The following HOXD12 variants were observed in gnomAD, a reference collection of about 807,000 sequenced individuals.
The protein encoded by HOXD12 is homeobox protein Hox-D12.
HOXD12 carries 21 observed loss-of-function variants against 20.2 expected under a neutral mutation model. The ratio of observed to expected loss-of-function variants is 1.04; its 90% CI spans 0.74 to 1.50. The LOEUF is 1.50. HOXD12 is among the 40% of genes most tolerant of loss of function. The pLI, the probability that HOXD12 is intolerant of heterozygous loss-of-function variation, is 0.00. For synonymous variants in HOXD12, 196 were observed against 168.8 expected, an observed-to-expected ratio of 1.16 and a Z score of -1.25; for missense variants, 472 against 365.5, an observed-to-expected ratio of 1.29 and a Z score of -2.38.
Position 176,102,037 on chromosome 2 carries a change from C to A in HOXD12, c.*1277C>A, listed in dbSNP as rs1276673968. Among the ~76,000 whole-genome samples the A allele has an allele frequency of 1.3e-5, 2 of 152,236 alleles. No individual in the cohort carries two copies. Among genetic ancestry groups the A allele is most frequent in the African/African-American group, 4.8e-5 (2 of 41,460 alleles). On this transcript the variant is annotated 3_prime_UTR_variant, in exon 2 of 2. Transcript: ENST00000406506. Reference sequence around the variant, plus strand: ...AAGGCCCTGGGCCCTGCCAGGCTTGCCTCATGGAGGCAGGGGTTCCCAAAT... The same window carrying A: ...AAGGCCCTGGGCCCTGCCAGGCTTGACTCATGGAGGCAGGGGTTCCCAAAT...
In HOXD12 at chr2:176,100,001, C is replaced by T; in HGVS notation, c.200C>T (p.Thr67Ile). Reference sequence around the variant, plus strand: ...GCCCCCGCGCAGCCTGCGGGCGCCACTGCCTTCGGCGGCTTCTCGCAGCCC... The same window carrying T: ...GCCCCCGCGCAGCCTGCGGGCGCCATTGCCTTCGGCGGCTTCTCGCAGCCC... ...SCAPAQPAGATAFGGFSQPYL... is the reference protein window; with the variant it reads ...SCAPAQPAGAIAFGGFSQPYL... Residue 67 changes from threonine (T) to isoleucine (I), a missense_variant, in exon 1 of 2, where the codon ACT becomes ATT. Thr to Ile is a moderately conservative substitution (Grantham distance 89, BLOSUM62 -1). Transcript: ENST00000406506. 6.4e-7 allele frequency: 1 copy of T among 1,561,188 alleles called. No homozygotes were observed.
At position 176,101,149 on chromosome 2, in the gene HOXD12, G is replaced by C. The variant is rs1169203542; in HGVS notation, c.*389G>C. ...TCTCCAGCCCCTTCAGCGTATAGCA[G>C]TCGCCTAGTTAGGGCTCAGAGTGGA... On this transcript the variant is annotated 3_prime_UTR_variant, in exon 2 of 2. Transcript: ENST00000406506. The C allele has an allele frequency of 3.7e-6, 1 of 270,720 alleles. No individual in the cohort carries two copies. The highest frequency in any genetic ancestry group is 9.1e-5 in the East Asian group (1 of 10,952). 16.8% of individuals were successfully genotyped at this position (270,720 alleles called of 1,614,324 possible).
chr2:176,100,061 C>A lies in HOXD12; in HGVS notation c.260C>A (p.Pro87His). Residue 87 changes from proline (P) to histidine (H), a missense_variant, in exon 1 of 2, where the codon CCC (proline) becomes CAC (histidine). Pro to His is a moderately conservative substitution (Grantham distance 77). Coordinates refer to ENST00000406506, the MANE Select transcript of HOXD12 (RefSeq NM_021193.4). ...LAGSGPLGLQ[P>H]PTAKDGPEEQ... The stretch of plus-strand genomic sequence containing the variant: ...GGCTCCGGGCCTCTCGGCCTGCAGC[C>A]CCCAACAGCCAAAGACGGACCCGAA... The A allele has an allele frequency of 6.3e-7, 1 of 1,590,166 alleles. No individual in the cohort carries two copies. The highest frequency in any genetic ancestry group is 8.6e-7 in the Non-Finnish European group (1 of 1,169,546).
rs1299782031 is a variant in HOXD12, at chr2:176,102,218, A to G, written c.*1458A>G. 1.3e-5 allele frequency among the ~76,000 whole-genome samples: 2 copies of G among 152,208 alleles called. No homozygotes were observed. The highest frequency in any genetic ancestry group is 1.9e-4 in the East Asian group (1 of 5,196). On this transcript the variant is annotated 3_prime_UTR_variant, in exon 2 of 2. Transcript: ENST00000406506. ...TTCGCAATTCCTAGCATGATGCACAACAACTCAAGGATTCAGGATTCCTTC... is the reference window on the plus strand; with the variant it reads ...TTCGCAATTCCTAGCATGATGCACAGCAACTCAAGGATTCAGGATTCCTTC...
rs140950338 is a variant in HOXD12 at position 176,102,047 on chromosome 2, G to T, written c.*1287G>T. On this transcript the variant is annotated 3_prime_UTR_variant, in exon 2 of 2. Coordinates refer to ENST00000406506, the MANE Select transcript of HOXD12 (RefSeq NM_021193.4). ...GCCCTGCCAGGCTTGCCTCATGGAG[G>T]CAGGGGTTCCCAAATGCCAGGTGGA... Among the ~76,000 whole-genome samples the T allele has an allele frequency of 6.6e-6, 1 of 152,230 alleles. No homozygotes were observed. The highest frequency in any genetic ancestry group is 1.5e-5 in the Non-Finnish European group (1 of 68,044).
rs1488217007 is a variant in HOXD12 at position 176,101,883 on chromosome 2, T to TA, written c.*1124dup. 1.3e-5 allele frequency among the ~76,000 whole-genome samples: 2 copies of TA among 152,248 alleles called. No homozygotes were observed. Among genetic ancestry groups the TA allele is most frequent in the Non-Finnish European group, 2.9e-5 (2 of 68,040 alleles). ...AAGTCTCTTAGATTCTCTGCCCCGC[T>TA]AGCTGCTCTTGACAAAGCAAAGAGG... is the stretch of plus-strand genomic sequence containing the variant. On this transcript the variant is annotated 3_prime_UTR_variant, in exon 2 of 2. Coordinates refer to ENST00000406506, the MANE Select transcript of HOXD12 (RefSeq NM_021193.4).
chr2:176,100,400 G>A lies in HOXD12; in HGVS notation c.574+25G>A, dbSNP rs772196857. 11 of 1,610,220 alleles carry A rather than the reference G, an allele frequency of 6.8e-6. No homozygotes were observed. In the African/African-American group the frequency reaches 1.5e-4, roughly 21 times the overall value. ...GGTAAACGGTGCCCATGCTCCCCGG[G>A]CCGGTTTGGGCCGGGATGGGAGGTG... is the stretch of plus-strand genomic sequence containing the variant. On this transcript the variant is annotated intron_variant, in intron 1 of 1. Coordinates refer to ENST00000406506, the MANE Select transcript of HOXD12 (RefSeq NM_021193.4).
Position 176,100,352 on chromosome 2 carries a change from G to C in HOXD12, c.551G>C (p.Cys184Ser). 1 of 1,612,586 alleles carries C rather than the reference G, an allele frequency of 6.2e-7. No individual in the cohort carries two copies. The highest frequency in any genetic ancestry group is 8.5e-7 in the Non-Finnish European group (1 of 1,179,832). ...MTVQAAGVAS[C>S]LRPSLPDGLP... is the part of the protein sequence containing the mutation. ...GTGCAGGCGGCGGGCGTTGCCTCTT[G>C]CCTGCGACCTTCACTGCCCGACGGT... is the stretch of plus-strand genomic sequence containing the variant. The change falls in exon 1 of 2, where the codon TGC (cysteine) becomes TCC (serine). Residue 184 changes from cysteine (C) to serine (S), a missense_variant. Coordinates refer to ENST00000406506, the MANE Select transcript of HOXD12 (RefSeq NM_021193.4).
At position 176,099,885 on chromosome 2, in the gene HOXD12, C is replaced by G; in HGVS notation, c.84C>G (p.Asn28Lys). The G allele has an allele frequency of 3.8e-6, 6 of 1,594,642 alleles. No individual in the cohort carries two copies. Among genetic ancestry groups the G allele is most frequent in the Non-Finnish European group, 5.1e-6 (6 of 1,173,006 alleles). The change falls in exon 1 of 2, where the codon AAC (asparagine) becomes AAG (lysine). Residue 28 changes from asparagine (N) to lysine (K), a missense_variant. Physicochemically the swap from Asn to Lys is moderately conservative, Grantham distance 94. Transcript: ENST00000406506. ...LQSPDSFYFS[N>K]LRPNGGQLAA... is the part of the protein sequence containing the mutation. Reference sequence around the variant, plus strand: ...CGCCAGACTCTTTCTACTTCTCCAACCTGAGGCCGAATGGCGGCCAGTTGG... The same window carrying G: ...CGCCAGACTCTTTCTACTTCTCCAAGCTGAGGCCGAATGGCGGCCAGTTGG...
In HOXD12 at chr2:176,100,813, G is replaced by A. The variant is rs1201349087; in HGVS notation, c.*53G>A. The A allele has an allele frequency of 8.2e-7, 1 of 1,218,224 alleles. No individual in the cohort carries two copies. Among genetic ancestry groups the A allele is most frequent in the Non-Finnish European group, 1.2e-6 (1 of 834,346 alleles). The allele number at this position is 1,218,224 out of a possible 1,614,324, so 75.5% of individuals were successfully genotyped here. A position where few individuals can be genotyped will look rare whatever the true frequency, so the allele number is the denominator to read the frequency against. ...ATCTGCCCTTTTGGACAGAGGCCTT[G>A]TTTGGGGAGGGGGATCTGGGGCTAA... On this transcript the variant is annotated 3_prime_UTR_variant, in exon 2 of 2. Transcript: ENST00000406506.
rs1689486245 is a variant in HOXD12, at chr2:176,100,930, T to G, written c.*170T>G. 1.6e-6 allele frequency: 1 copy of G among 612,186 alleles called. No individual in the cohort carries two copies. The highest frequency in any genetic ancestry group is 2.9e-6 in the Non-Finnish European group (1 of 345,216). 37.9% of individuals were successfully genotyped at this position (612,186 alleles called of 1,614,324 possible). ...GGCCAGTTGGGCCTCCTTGCTTTCC[T>G]CAGTCCCTGAGAAGCCCGTGAGAAA... On this transcript the variant is annotated 3_prime_UTR_variant, in exon 2 of 2. Transcript: ENST00000406506.
rs1689484063 is a variant in HOXD12 at position 176,100,757 on chromosome 2, C to T, written c.810C>T (p.Tyr270=). 1 of 1,609,528 alleles carries T rather than the reference C, an allele frequency of 6.2e-7. No individual in the cohort carries two copies. Residue 270 remains tyrosine, a synonymous_variant, in exon 2 of 2, where the codon TAC becomes TAT. Transcript: ENST00000406506. ...VVLREQALAL[Y] ...TTCGGGAGCAGGCGCTGGCGCTCTA[C>T]TAGCCGCGCGCGTGGCCAGGGCCGG...
Position 176,101,087 on chromosome 2 carries a change from T to C in HOXD12, c.*327T>C. 2.3e-6 allele frequency: 1 copy of C among 439,110 alleles called. No homozygotes were observed. Among genetic ancestry groups the C allele is most frequent in the South Asian group, 2.7e-5 (1 of 37,424 alleles). The allele number at this position is 439,110 out of a possible 1,614,324, so 27.2% of individuals were successfully genotyped here. A position where few individuals can be genotyped will look rare whatever the true frequency, so the allele number is the denominator to read the frequency against. ...TTCTTGCTCCCCGGTACCTGGATTT[T>C]TCTGTTTCCACCCAATTCGTTCTCC... is the stretch of plus-strand genomic sequence containing the variant. On this transcript the variant is annotated 3_prime_UTR_variant, in exon 2 of 2. Coordinates refer to ENST00000406506, the MANE Select transcript of HOXD12 (RefSeq NM_021193.4).
rs972030379 is a variant in HOXD12, at chr2:176,101,956, G to T, written c.*1196G>T. 2.0e-5 allele frequency among the ~76,000 whole-genome samples: 3 copies of T among 152,226 alleles called. No homozygotes were observed. The highest frequency in any genetic ancestry group is 7.2e-5 in the African/African-American group (3 of 41,458). ...TCTACCATCTGCCAACTCTACCAGA[G>T]GCCCAGCTACTGTGCCCCTTCTGAG... On this transcript the variant is annotated 3_prime_UTR_variant, in exon 2 of 2. Coordinates refer to ENST00000406506, the MANE Select transcript of HOXD12 (RefSeq NM_021193.4).
In HOXD12 at chr2:176,100,203, G is replaced by A; in HGVS notation, c.402G>A (p.Ala134=). Residue 134 remains alanine (A), a synonymous_variant, in exon 1 of 2, where the codon GCG becomes GCA. Transcript: ENST00000406506. ...SLAPAVAALK[A]AKYDYAGVGR... is the part of the protein sequence containing the mutation. ...CTCCTGCAGTGGCTGCTCTCAAAGCGGCCAAGTATGACTACGCTGGTGTGG... is the reference window on the plus strand; with the variant it reads ...CTCCTGCAGTGGCTGCTCTCAAAGCAGCCAAGTATGACTACGCTGGTGTGG... 1.9e-6 allele frequency: 3 copies of A among 1,612,228 alleles called. No individual in the cohort carries two copies. Among genetic ancestry groups the A allele is most frequent in the African/African-American group, 1.3e-5 (1 of 75,074 alleles).
chr2:176,100,298 C>G lies in HOXD12; in HGVS notation c.497C>G (p.Thr166Ser), dbSNP rs563160578. Reference sequence around the variant, plus strand: ...TGCGCCCCTGGCTTCAAGGACGACACCAAGGGCCCGCTCAACTTGAACATG... The same window carrying G: ...TGCGCCCCTGGCTTCAAGGACGACAGCAAGGGCCCGCTCAACTTGAACATG... ...APCAPGFKDD[T>S]KGPLNLNMTV... Residue 166 changes from threonine (T) to serine (S), a missense_variant, in exon 1 of 2, where the codon ACC (threonine) becomes AGC (serine). Physicochemically the swap from Thr to Ser is moderately conservative, Grantham distance 58. Coordinates refer to ENST00000406506, the MANE Select transcript of HOXD12 (RefSeq NM_021193.4). 4 of 1,612,646 alleles carry G rather than the reference C, an allele frequency of 2.5e-6. No individual in the cohort carries two copies. The highest frequency in any genetic ancestry group is 3.4e-6 in the Non-Finnish European group (4 of 1,179,852).
chr2:176,100,595 G>C lies in HOXD12; in HGVS notation c.648G>C (p.Glu216Asp), dbSNP rs1227715345. Residue 216 changes from glutamate (E) to aspartate (D), a missense_variant, in exon 2 of 2, where the codon GAG becomes GAC. By Grantham distance (45) the Glu-to-Asp change is conservative (BLOSUM62 2). Coordinates refer to ENST00000406506, the MANE Select transcript of HOXD12 (RefSeq NM_021193.4). Reference sequence around the variant, plus strand: ...CCTACACGAAGCAGCAGATTGCGGAGTTGGAGAACGAATTCCTCGTCAACG... The same window carrying C: ...CCTACACGAAGCAGCAGATTGCGGACTTGGAGAACGAATTCCTCGTCAACG... ...RKPYTKQQIA[E>D]LENEFLVNEF... 6.2e-7 allele frequency: 1 copy of C among 1,613,172 alleles called. No homozygotes were observed. The highest frequency in any genetic ancestry group is 8.5e-7 in the Non-Finnish European group (1 of 1,179,552).
chr2:176,101,761 G>A lies in HOXD12; in HGVS notation c.*1001G>A, dbSNP rs1689498121. Among the ~76,000 whole-genome samples, 1 of 152,192 alleles carries A rather than the reference G, an allele frequency of 6.6e-6. No homozygotes were observed. On this transcript the variant is annotated 3_prime_UTR_variant, in exon 2 of 2. Coordinates refer to ENST00000406506, the MANE Select transcript of HOXD12 (RefSeq NM_021193.4). ...AAATATGGCTTTCCAGTTGAGGTGA[G>A]TAAAGGTGTTGGTGCATCTTTCTTT...
rs1201126436 is a variant in HOXD12 at position 176,100,083 on chromosome 2, C to G, written c.282C>G (p.Pro94=). Residue 94 remains proline, a synonymous_variant, in exon 1 of 2, where the codon CCC becomes CCG. Transcript: ENST00000406506. The stretch of plus-strand genomic sequence containing the variant: ...AGCCCCCAACAGCCAAAGACGGACC[C>G]GAAGAGCAGGCTAAGTTCTATGCGC... ...GLQPPTAKDG[P]EEQAKFYAPE... The G allele has an allele frequency of 6.2e-7, 1 of 1,601,494 alleles. No homozygotes were observed. Among genetic ancestry groups the G allele is most frequent in the South Asian group, 1.1e-5 (1 of 89,218 alleles).
Sources: allele counts gnomAD v4.1 joint callset (sites outside exome capture counted in the v4.1 genomes callset), GRCh38; gene constraint gnomAD v4.1.1; transcripts MANE v1.5; gene names NCBI Gene and HGNC (gene_info 2026-07-23, HGNC 2026-07-21).